Variants in ZBTB49 observed in about 807,000 individuals in gnomAD.
ZBTB49 encodes the protein zinc finger and BTB domain-containing protein 49.
A neutral mutation model predicts 57.5 loss-of-function variants in ZBTB49; 43 were observed. The ratio of observed to expected loss-of-function variants is 0.75; its 90% CI spans 0.59 to 0.97. The LOEUF (loss-of-function observed/expected upper bound fraction) is 0.97. Ranked by LOEUF, ZBTB49 falls within the 50% of genes least tolerant of loss-of-function variation. The pLI is 0.00. For synonymous variants in ZBTB49, 369 were observed against 362.1 expected (o/e 1.02, Z -0.22); for missense variants, 938 against 947.7 (o/e 0.99, Z 0.13).
intron 3 of ZBTB49, among the ~76,000 whole-genome samples, chr4:4,305,052 C>A (rs1577238802): frequency 6.6e-6 from 1 of 152,178 alleles, no homozygotes; most frequent in African/African-American, 2.4e-5. Flanking sequence ...TTTTCAAATT[C>A]TTATATTTCT....
intron 1 of ZBTB49, among the ~76,000 whole-genome samples, 151 bp from the exon 2 acceptor site, chr4:4,299,776 G>GTTGTGTGTGTGTGTGT (rs1553803868): frequency 8.7e-5 from 9 of 103,634 alleles, no homozygotes; most frequent in Admixed American, 2.9e-4. Context: ...CAGAAACAGA[G>GTTGTGTGTGTGTGTGT]GTGTGTGTGT....
At chr4:4,299,903 C>T (rs768665923) in intron 1 of ZBTB49, 24 bp from the exon 2 acceptor site, 41 of 1,606,860 alleles carry the variant, frequency 2.6e-5, no homozygotes, top group Admixed American at 8.4e-5. Flanking sequence ...GAATATCTGT[C>T]GTATCTGTGA....
chr4:4,298,348 C>T (rs1292714191), intron 1 of ZBTB49, among the ~76,000 whole-genome samples: 1 of 152,094 alleles, frequency 6.6e-6, no homozygotes, highest in African/African-American at 2.4e-5. Flanking sequence ...ATTGTAGTGA[C>T]TTTTTCAGCC....
chr4:4,294,872 C>CATGTGT (rs1553803053), intron 1 of ZBTB49, among the ~76,000 whole-genome samples: 8 of 138,128 alleles, frequency 5.8e-5, no homozygotes, highest in African/African-American at 1.9e-4. Context: ...AGGAGGGTTT[C>CATGTGT]GTGTGTGTGT....
At position 4,292,600 on chromosome 4, in the gene ZBTB49, C is replaced by T. The variant is rs144141475; in HGVS notation, c.-20+2248C>T. On this transcript the variant is annotated intron_variant, in intron 1 of 7. Coordinates refer to ENST00000337872, the MANE Select transcript of ZBTB49 (RefSeq NM_145291.4). Reference sequence around the variant, plus strand: ...GATAAGAGTCAGCATAAAGCTAAGACAAGATTCCAGGTTTGTTGCTTCAAG... The same window carrying T: ...GATAAGAGTCAGCATAAAGCTAAGATAAGATTCCAGGTTTGTTGCTTCAAG... 1.7e-3 allele frequency among the ~76,000 whole-genome samples: 262 copies of T among 152,236 alleles called. 1 individual carries two copies. The highest frequency in any genetic ancestry group is 6.1e-3 in the African/African-American group (254 of 41,540).
At chr4:4,305,947 T>C (rs1373459589) in intron 3 of ZBTB49, among the ~76,000 whole-genome samples, 191 bp from the exon 4 acceptor site, 2 of 152,258 alleles carry the variant, frequency 1.3e-5, no homozygotes, top group Non-Finnish European at 2.9e-5. Flanking sequence ...GAGGAAAATA[T>C]TACTTTTATC....
intron 5 of ZBTB49, among the ~76,000 whole-genome samples, chr4:4,314,735 A>G (rs888225483): frequency 3.9e-5 from 6 of 152,244 alleles, no homozygotes; most frequent in African/African-American, 9.6e-5. Flanking sequence ...ATACTCTGCT[A>G]TCAAGCGTAG....
rs367565605 is a variant in ZBTB49, at chr4:4,302,618, A to T, written c.782A>T (p.His261Leu). The T allele has an allele frequency of 2.5e-6, 4 of 1,613,150 alleles. No individual in the cohort carries two copies. The highest frequency in any genetic ancestry group is 3.4e-6 in the Non-Finnish European group (4 of 1,179,552). ...TVESQPCAVSHSECILESPEH... is the reference protein window; with the variant it reads ...TVESQPCAVSLSECILESPEH... Reference sequence around the variant, plus strand: ...GAGAGCCAGCCTTGTGCCGTCAGTCATTCTGAATGCATCCTGGAGTCTCCC... The same window carrying T: ...GAGAGCCAGCCTTGTGCCGTCAGTCTTTCTGAATGCATCCTGGAGTCTCCC... Residue 261 changes from histidine (H) to leucine (L), a missense_variant, in exon 3 of 8, where the codon CAT (histidine) becomes CTT (leucine). Transcript: ENST00000337872.
chr4:4,299,826 A>T, intron 1 of ZBTB49, 101 bp from the exon 2 acceptor site: 8 of 993,322 alleles, frequency 8.1e-6, no homozygotes, highest in African/African-American at 3.3e-5. Flanking sequence ...AGAAACTGTG[A>T]TGAGAGAGTG....
chr4:4,310,365 C>G (rs1295104649), intron 4 of ZBTB49, among the ~76,000 whole-genome samples: 2 of 152,322 alleles, frequency 1.3e-5, no homozygotes, highest in East Asian at 3.9e-4. Context: ...CTCAGAGCCT[C>G]TGTTGACTTC....
Position 4,321,649 on chromosome 4 carries a change from A to G in ZBTB49, c.*333A>G, listed in dbSNP as rs567829027. The G allele has an allele frequency of 7.5e-4, 213 of 284,088 alleles. 1 individual carries two copies. The highest frequency in any genetic ancestry group is 2.0e-3 in the Admixed American group (40 of 19,904). 17.6% of individuals were successfully genotyped at this position (284,088 alleles called of 1,614,324 possible). A position where few individuals can be genotyped will look rare whatever the true frequency, so the allele number is the denominator to read the frequency against. On this transcript the variant is annotated 3_prime_UTR_variant, in exon 8 of 8. Transcript: ENST00000337872. Reference sequence around the variant, plus strand: ...GTTGGTCATGTGAAAGGAATTATATATGTATAGTATTACAAGTATTTTTGC... The same window carrying G: ...GTTGGTCATGTGAAAGGAATTATATGTGTATAGTATTACAAGTATTTTTGC...
Position 4,315,510 on chromosome 4 carries a change from G to C in ZBTB49, c.1377-126G>C, listed in dbSNP as rs1288469733. ...TCCATGCACGTTTCAGATGAAACCA[G>C]TCCAGTTCACGTTCCTTTCTGCAGC... On this transcript the variant is annotated intron_variant, in intron 5 of 7. Coordinates refer to ENST00000337872, the MANE Select transcript of ZBTB49 (RefSeq NM_145291.4). The C allele has an allele frequency of 5.7e-6, 5 of 883,312 alleles. No individual in the cohort carries two copies. The East Asian group carries it at 1.3e-4, about 23-fold the overall frequency. 54.7% of individuals were successfully genotyped at this position (883,312 alleles called of 1,614,324 possible). A position where few individuals can be genotyped will look rare whatever the true frequency, so the allele number is the denominator to read the frequency against.
At position 4,302,412 on chromosome 4, in the gene ZBTB49, A is replaced by T; in HGVS notation, c.576A>T (p.Lys192Asn). 6.2e-7 allele frequency: 1 copy of T among 1,614,226 alleles called. No individual in the cohort carries two copies. The highest frequency in any genetic ancestry group is 2.2e-5 in the East Asian group (1 of 44,892). The change falls in exon 3 of 8, where the codon AAA becomes AAT. Residue 192 changes from lysine to asparagine, a missense_variant. Lys to Asn is a moderately conservative substitution (Grantham distance 94). Around this residue, in one of 3 missense-constraint regions of ZBTB49, gnomAD observed 835 missense variants for 819.1 expected, o/e 1.02. Transcript: ENST00000337872. Reference sequence around the variant, plus strand: ...ATCACTCCGCAGGTGAAATCTCAAAACAAGCTCCTGATACTTCAGATGGCA... The same window carrying T: ...ATCACTCCGCAGGTGAAATCTCAAATCAAGCTCCTGATACTTCAGATGGCA... ...NRHHSAGEIS[K>N]QAPDTSDGSC...
chr4:4,293,006 C>A (rs959868064), intron 1 of ZBTB49, among the ~76,000 whole-genome samples: 1 of 151,948 alleles, frequency 6.6e-6, no homozygotes, highest in African/African-American at 2.4e-5. Flanking sequence ...CCATCACATT[C>A]CTTGTATAGA....
At chr4:4,299,778 TGTGTGTGTGTG>T (rs1720391326) in intron 1 of ZBTB49, 138 bp from the exon 2 acceptor site, 5 of 518,608 alleles carry the variant, frequency 9.6e-6, no homozygotes, top group East Asian at 3.5e-5. Flanking sequence ...GAAACAGAGG[TGTGTGTGTGTG>T]TGTGTGTGTG....
At chr4:4,296,898 G>A (rs1372050805) in intron 1 of ZBTB49, among the ~76,000 whole-genome samples, 2 of 152,114 alleles carry the variant, frequency 1.3e-5, no homozygotes, top group East Asian at 3.9e-4. Context: ...TCTAGGGGAG[G>A]CAGGAAGGCT....
At position 4,321,244 on chromosome 4, in the gene ZBTB49, G is replaced by C; in HGVS notation, c.2226G>C (p.Gln742His). The C allele has an allele frequency of 6.2e-7, 1 of 1,614,186 alleles. No individual in the cohort carries two copies. Among genetic ancestry groups the C allele is most frequent in the Non-Finnish European group, 8.5e-7 (1 of 1,180,032 alleles). Residue 742 changes from glutamine (Q) to histidine (H), a missense_variant, in exon 8 of 8, where the codon CAG becomes CAC. Physicochemically the swap from Gln to His is conservative, Grantham distance 24. Coordinates refer to ENST00000337872, the MANE Select transcript of ZBTB49 (RefSeq NM_145291.4). ...SSTTYRNSEGQFFSSMTLWGL... is the reference protein window; with the variant it reads ...SSTTYRNSEGHFFSSMTLWGL... Reference sequence around the variant, plus strand: ...CCACTTATAGGAACTCAGAGGGTCAGTTTTTCTCCAGCATGACTCTCTGGG... The same window carrying C: ...CCACTTATAGGAACTCAGAGGGTCACTTTTTCTCCAGCATGACTCTCTGGG...
At chr4:4,320,549 A>T (rs1721363730) in intron 7 of ZBTB49, 91 bp from the exon 8 acceptor site, 12 of 1,510,414 alleles carry the variant, frequency 7.9e-6, no homozygotes, top group Non-Finnish European at 1.1e-5. Flanking sequence ...CTGAGGAAGA[A>T]GGATTGTTTG....
chr4:4,294,425 C>T (rs1370365794), intron 1 of ZBTB49, among the ~76,000 whole-genome samples: 2 of 152,114 alleles, frequency 1.3e-5, no homozygotes, highest in Non-Finnish European at 1.5e-5. Flanking sequence ...GGTGCAATCT[C>T]GGCTCACTGG....
Sources: gnomAD v4.1 joint callset for allele counts (sites outside exome capture counted in the v4.1 genomes callset) on GRCh38, gnomAD v4.1.1 for gene constraint, gnomAD v4.1.1 regional missense constraint, MANE v1.5 for transcripts, NCBI Gene and HGNC (gene_info 2026-07-23, HGNC 2026-07-21) for gene names.